Variants in ST6GALNAC5 observed in about 807,000 individuals in gnomAD.
ST6GALNAC5 encodes the protein ST6 N-acetylgalactosaminide alpha-2,6-sialyltransferase 5.
In ST6GALNAC5, 27 loss-of-function variants were observed where a neutral mutation model predicts 33.6. The observed-to-expected ratio is 0.80, with a 90% CI of 0.59 to 1.11. ST6GALNAC5 has a LOEUF of 1.11. ST6GALNAC5 is among the 50% of genes least tolerant of loss of function. The pLI, the probability that ST6GALNAC5 is intolerant of heterozygous loss-of-function variation, is 0.00. For synonymous variants in ST6GALNAC5, 194 were observed against 171.2 expected (o/e 1.13, Z -1.04); for missense variants, 428 against 454.0 (o/e 0.94, Z 0.52).
chr1:77,005,463 G>A (rs140392175), intron 2 of ST6GALNAC5, among the ~76,000 whole-genome samples: 8,145 of 152,310 alleles, frequency 0.053, 354 homozygotes, highest in East Asian at 0.24. Context: ...CGTCGCTCAC[G>A]CTGGGAGCTG....
At chr1:77,038,441 T>A (rs1651728515) in intron 2 of ST6GALNAC5, among the ~76,000 whole-genome samples, 1 of 152,220 alleles carries the variant, frequency 6.6e-6, no homozygotes, top group Non-Finnish European at 1.5e-5. Context: ...TTAATATGTC[T>A]TATGTTTGCT....
At chr1:76,904,844 A>T (rs902323141) in intron 2 of ST6GALNAC5, among the ~76,000 whole-genome samples, 2 of 152,104 alleles carry the variant, frequency 1.3e-5, no homozygotes, top group Middle Eastern at 3.2e-3. Context: ...GAAAAGAGTC[A>T]TTAACAGACA....
chr1:77,017,971 T>G (rs1650910572), intron 2 of ST6GALNAC5, among the ~76,000 whole-genome samples: 1 of 152,162 alleles, frequency 6.6e-6, no homozygotes, highest in Non-Finnish European at 1.5e-5. Flanking sequence ...AAGATTCAAT[T>G]CACAGTCCAT....
intron 2 of ST6GALNAC5, among the ~76,000 whole-genome samples, chr1:76,877,732 G>A (rs547524290): frequency 6.6e-6 from 1 of 152,370 alleles, no homozygotes; most frequent in East Asian, 1.9e-4. Context: ...TAATGGACCA[G>A]TGTGATATCT....
At chr1:76,875,421 G>T (rs919327946) in intron 2 of ST6GALNAC5, among the ~76,000 whole-genome samples, 1 of 152,092 alleles carries the variant, frequency 6.6e-6, no homozygotes, top group African/African-American at 2.4e-5. Context: ...TCTTACCTCC[G>T]TTGTGGAGTA....
At chr1:77,010,986 C>T (rs1033114265) in intron 2 of ST6GALNAC5, among the ~76,000 whole-genome samples, 2 of 152,204 alleles carry the variant, frequency 1.3e-5, no homozygotes, top group African/African-American at 4.8e-5. Flanking sequence ...CATCCCCTGC[C>T]GTTTGGGTAC....
At chr1:77,003,177 G>C in intron 2 of ST6GALNAC5, among the ~76,000 whole-genome samples, 1 of 32,174 alleles carries the variant, frequency 3.1e-5, no homozygotes, top group Non-Finnish European at 8.0e-5. Context: ...TGGTGCTCCT[G>C]TATTGGGTGC....
rs1652808396 is a variant in ST6GALNAC5, at chr1:77,067,190, G to A, written c.*3984G>A. ...CAGGATGTGTGAACCAATTGCCTAG[G>A]TGTTAGCACATGCCAGAAGGTACTT... On this transcript the variant is annotated 3_prime_UTR_variant, in exon 5 of 5. Transcript: ENST00000477717. Among the ~76,000 whole-genome samples the A allele has an allele frequency of 6.6e-6, 1 of 152,196 alleles. No homozygotes were observed. The highest frequency in any genetic ancestry group is 2.1e-4 in the South Asian group (1 of 4,828).
intron 2 of ST6GALNAC5, among the ~76,000 whole-genome samples, chr1:76,891,930 T>C (rs1654021894): frequency 6.6e-6 from 1 of 152,224 alleles, no homozygotes; most frequent in Admixed American, 6.5e-5. Context: ...TCACTAGCCA[T>C]ACCAGGCATC....
chr1:77,054,933 G>A (rs772653219), intron 4 of ST6GALNAC5, among the ~76,000 whole-genome samples: 1 of 152,124 alleles, frequency 6.6e-6, no homozygotes, highest in East Asian at 1.9e-4. Flanking sequence ...GGCCATGGTG[G>A]CAGATGACAG....
intron 2 of ST6GALNAC5, among the ~76,000 whole-genome samples, chr1:77,041,258 A>G (rs904656431): frequency 2.0e-5 from 3 of 151,926 alleles, no homozygotes; most frequent in African/African-American, 4.8e-5. Flanking sequence ...ATGTTCCCTC[A>G]TCTTTGGTCC....
intron 2 of ST6GALNAC5, among the ~76,000 whole-genome samples, chr1:77,024,728 A>C (rs1449756619): frequency 6.6e-6 from 1 of 152,184 alleles, no homozygotes; most frequent in Admixed American, 6.5e-5. Flanking sequence ...CTGCCTGTGG[A>C]GCCTGAGCCA....
intron 2 of ST6GALNAC5, among the ~76,000 whole-genome samples, chr1:77,042,340 C>T (rs958051442): frequency 6.6e-6 from 1 of 152,158 alleles, no homozygotes; most frequent in African/African-American, 2.4e-5. Flanking sequence ...TACTGTATCA[C>T]ACTGTATTGT....
At chr1:76,919,736 AAAACAAAC>A (rs201393696) in intron 2 of ST6GALNAC5, among the ~76,000 whole-genome samples, 6 of 152,174 alleles carry the variant, frequency 3.9e-5, no homozygotes, top group Admixed American at 2.0e-4. Context: ...AGTTACTTGA[AAAACAAAC>A]AAACAAACAA....
intron 2 of ST6GALNAC5, among the ~76,000 whole-genome samples, chr1:76,898,333 C>G (rs568578894): frequency 7.5e-4 from 114 of 152,308 alleles, no homozygotes; most frequent in African/African-American, 2.7e-3. Context: ...GGGTTTGTCT[C>G]ACAGTGGAGG....
chr1:76,940,950 T>C (rs1390885314), intron 2 of ST6GALNAC5, among the ~76,000 whole-genome samples: 2 of 152,090 alleles, frequency 1.3e-5, no homozygotes, highest in African/African-American at 2.4e-5. Context: ...AGCTAAGTTA[T>C]GCATGTATAG....
chr1:76,925,581 A>G (rs954562841), intron 2 of ST6GALNAC5, among the ~76,000 whole-genome samples: 2 of 152,122 alleles, frequency 1.3e-5, no homozygotes. Flanking sequence ...AGGTGCAGCC[A>G]TCCAAGGCAA....
At chr1:76,964,517 T>C (rs1472449372) in intron 2 of ST6GALNAC5, among the ~76,000 whole-genome samples, 1 of 152,158 alleles carries the variant, frequency 6.6e-6, no homozygotes, top group Non-Finnish European at 1.5e-5. Flanking sequence ...TTATAATTGC[T>C]TGCTTGATAT....
chr1:76,890,929 G>A (rs1302942493), intron 2 of ST6GALNAC5, among the ~76,000 whole-genome samples: 1 of 152,098 alleles, frequency 6.6e-6, no homozygotes, highest in Non-Finnish European at 1.5e-5. Flanking sequence ...GAGGTTGGCA[G>A]CAAATAACAT....
Sources: allele counts gnomAD v4.1 joint callset (sites outside exome capture counted in the v4.1 genomes callset), GRCh38; gene constraint gnomAD v4.1.1; transcripts MANE v1.5; gene names NCBI Gene and HGNC (gene_info 2026-07-23, HGNC 2026-07-21).